Variants in CEP63 observed in about 807,000 individuals in gnomAD.
The protein encoded by CEP63 is centrosomal protein 63.
A neutral mutation model predicts 89.1 loss-of-function variants in CEP63; 84 were observed. That is an observed-to-expected ratio of 0.94 (90% CI 0.79 to 1.13). The LOEUF (loss-of-function observed/expected upper bound fraction) is 1.13, where lower values mean the gene tolerates loss of function less well. Among genes scored for constraint, CEP63 ranks in the 50% most tolerant of loss-of-function variants. CEP63 has a pLI of 0.00. For missense variants in CEP63, 838 were observed against 813.3 expected, an observed-to-expected ratio of 1.03 and a Z score of -0.37; for synonymous variants, 267 against 272.5, an observed-to-expected ratio of 0.98 and a Z score of 0.20.
chr3:134,616,335 T>C, the CEP63 span, among the ~76,000 whole-genome samples: 3 of 152,182 alleles, frequency 2.0e-5, no homozygotes, highest in Non-Finnish European at 4.4e-5. Flanking sequence ...AATGAGACAA[T>C]TTCAGGGAGG....
intron 3 of CEP63, among the ~76,000 whole-genome samples, chr3:134,513,322 A>G (rs1945440140): frequency 6.6e-6 from 1 of 152,192 alleles, no homozygotes. Context: ...GGCCTGATTG[A>G]AAGTTTGACT....
At chr3:134,625,038 G>A in the CEP63 span, 16 of 1,581,492 alleles carry the variant, frequency 1.0e-5, no homozygotes, top group African/African-American at 4.0e-5. Flanking sequence ...TGGTCAGAGC[G>A]GCCAGCTGTC....
At chr3:134,527,004 A>G (rs1215508899) in intron 3 of CEP63, among the ~76,000 whole-genome samples, 3 of 152,092 alleles carry the variant, frequency 2.0e-5, no homozygotes, top group African/African-American at 7.2e-5. Context: ...GTGCTCCCAG[A>G]CCACTAGTCA....
chr3:134,626,593 A>C, the CEP63 span, among the ~76,000 whole-genome samples: 2 of 152,294 alleles, frequency 1.3e-5, no homozygotes, highest in Middle Eastern at 3.4e-3. Context: ...TGCCACTGTC[A>C]GTGAGAGTCC....
chr3:134,729,589 T>C, the CEP63 span, among the ~76,000 whole-genome samples: 2 of 152,222 alleles, frequency 1.3e-5, no homozygotes, highest in East Asian at 3.8e-4. Flanking sequence ...GGTTCAAATA[T>C]GAAGTTTGCA....
chr3:134,656,770 G>A, the CEP63 span, among the ~76,000 whole-genome samples: 2 of 152,174 alleles, frequency 1.3e-5, no homozygotes, highest in African/African-American at 4.8e-5. Flanking sequence ...CCACGCCCCA[G>A]CTCAGTTGTC....
At chr3:134,710,866 C>T in the CEP63 span, among the ~76,000 whole-genome samples, 14 of 151,952 alleles carry the variant, frequency 9.2e-5, no homozygotes, top group East Asian at 1.9e-4. Context: ...GCAGTACAGG[C>T]GCGCACCACC....
At chr3:134,749,652 C>T in the CEP63 span, among the ~76,000 whole-genome samples, 26 of 122,674 alleles carry the variant, frequency 2.1e-4, no homozygotes, top group Admixed American at 6.5e-4. Context: ...CCCTCCCCAC[C>T]GCTTTGCAAC....
chr3:134,547,550 AAT>A, intron 9 of CEP63, 78 bp downstream of exon 9: 1 of 1,222,910 alleles, frequency 8.2e-7, no homozygotes, highest in Non-Finnish European at 1.2e-6. Context: ...AAATGAATGT[AAT>A]AGTCATAGTA....
chr3:134,770,468 C>G, the CEP63 span, among the ~76,000 whole-genome samples: 3 of 152,188 alleles, frequency 2.0e-5, no homozygotes, highest in Admixed American at 1.3e-4. Context: ...CACTTTGGAA[C>G]AGTTACAATT....
chr3:134,681,333 C>T, the CEP63 span, among the ~76,000 whole-genome samples: 1 of 152,016 alleles, frequency 6.6e-6, no homozygotes, highest in Non-Finnish European at 1.5e-5. Context: ...GGAGCCTGGC[C>T]CAAGCACAGA....
At chr3:134,577,431 CTTTTTTTTTTT>C (rs10662705), downstream of CEP63, among the ~76,000 whole-genome samples, 1 of 86,326 alleles carries the variant, frequency 1.2e-5, no homozygotes, top group Non-Finnish European at 2.0e-5. Flanking sequence ...TTCTAATCCA[CTTTTTTTTTTT>C]TTTTTTTTTT....
In CEP63 at chr3:134,518,416, T is replaced by C. The variant is rs565369627; in HGVS notation, c.222+11130T>C. On this transcript the variant is annotated intron_variant, in intron 3 of 14. Coordinates refer to ENST00000675561, the MANE Select transcript of CEP63 (RefSeq NM_001353108.3). ...CTGCCGTAAAGCATGTCTCAACATA[T>C]TTCAGAGGATTAGAATCATGTTTTT... Among the ~76,000 whole-genome samples the C allele has an allele frequency of 3.3e-5, 5 of 152,326 alleles. No individual in the cohort carries two copies. The East Asian group carries it at 9.6e-4, about 29-fold the overall frequency.
At chr3:134,663,556 A>C in the CEP63 span, among the ~76,000 whole-genome samples, 5 of 152,208 alleles carry the variant, frequency 3.3e-5, no homozygotes, top group African/African-American at 1.2e-4. Context: ...GGGGCCTTCT[A>C]TTCTCTGAAG....
the CEP63 span, among the ~76,000 whole-genome samples, chr3:134,658,881 C>A: frequency 6.6e-6 from 1 of 152,194 alleles, no homozygotes; most frequent in Admixed American, 6.5e-5. Flanking sequence ...CTGTTAAGAG[C>A]AATTTTCATT....
chr3:134,493,711 A>G (rs1015888981), intron 1 of CEP63, among the ~76,000 whole-genome samples: 3 of 152,146 alleles, frequency 2.0e-5, no homozygotes, highest in African/African-American at 7.2e-5. Context: ...CACACTGGGA[A>G]AGCCTTTTTG....
intron 3 of CEP63, among the ~76,000 whole-genome samples, chr3:134,523,445 T>C (rs1180324905): frequency 6.6e-6 from 1 of 152,156 alleles, no homozygotes; most frequent in African/African-American, 2.4e-5. Context: ...TTGGTGTCTT[T>C]GTCGTGAAAT....
At chr3:134,639,070 G>GTT in the CEP63 span, among the ~76,000 whole-genome samples, 41,104 of 128,328 alleles carry the variant, frequency 0.32, 6,891 homozygotes, top group African/African-American at 0.34. Context: ...CTACTTTGGA[G>GTT]TTTTTTTTTT....
intron 6 of CEP63, among the ~76,000 whole-genome samples, chr3:134,540,288 C>T (rs1031845038): frequency 2.6e-5 from 4 of 152,092 alleles, no homozygotes; most frequent in African/African-American, 9.7e-5. Flanking sequence ...GTAGAATTCC[C>T]CCCTATCGTT....
Sources: gnomAD v4.1 joint callset for allele counts (sites outside exome capture counted in the v4.1 genomes callset) on GRCh38, gnomAD v4.1.1 for gene constraint, MANE v1.5 for transcripts, NCBI Gene and HGNC (gene_info 2026-07-23, HGNC 2026-07-21) for gene names.